The following LMTK2 variants were observed in gnomAD, a reference collection of about 807,000 sequenced individuals.
LMTK2 encodes lemur tail kinase 2.
In LMTK2, 37 loss-of-function variants were observed where a neutral mutation model predicts 127.5. The ratio of observed to expected loss-of-function variants is 0.29; its 90% CI spans 0.22 to 0.38. The LOEUF (loss-of-function observed/expected upper bound fraction) is 0.38, where lower values mean the gene tolerates loss of function less well. LMTK2 is among the 10% of genes least tolerant of loss of function. The pLI, the probability that LMTK2 is intolerant of heterozygous loss-of-function variation, is 1.00. For missense variants in LMTK2, 1,694 were observed against 1,920.3 expected (o/e 0.88, Z 2.20); for synonymous variants, 819 against 810.1 (o/e 1.01, Z -0.19).
chr7:98,202,122 T>G (rs1393566972), intron 11 of LMTK2, among the ~76,000 whole-genome samples: 2 of 152,186 alleles, frequency 1.3e-5, no homozygotes, highest in Admixed American at 1.3e-4. Flanking sequence ...CTCCAGGTTT[T>G]TTTTTTCTTG....
At chr7:98,190,630 C>T (rs1318687304) in intron 9 of LMTK2, 98 bp from the exon 10 acceptor site, 6 of 1,097,922 alleles carry the variant, frequency 5.5e-6, no homozygotes, top group Non-Finnish European at 8.3e-6. Flanking sequence ...TTTCAATACA[C>T]ACCTTGTCCT....
chr7:98,122,327 A>G (rs574120735), intron 1 of LMTK2, among the ~76,000 whole-genome samples: 3 of 152,146 alleles, frequency 2.0e-5, no homozygotes, highest in Non-Finnish European at 4.4e-5. Context: ...CAATCAGCAT[A>G]GTACCCCATA....
rs1340931810 is a variant in LMTK2, at chr7:98,207,580, G to A, written c.*2088G>A. 3 of 151,770 alleles carry A rather than the reference G, an allele frequency of 2.0e-5. No homozygotes were observed. Among genetic ancestry groups the A allele is most frequent in the Non-Finnish European group, 4.4e-5 (3 of 67,994 alleles). 9.4% of individuals were successfully genotyped at this position (151,770 alleles called of 1,614,324 possible). A position where few individuals can be genotyped will look rare whatever the true frequency, so the allele number is the denominator to read the frequency against. On this transcript the variant is annotated 3_prime_UTR_variant, in exon 14 of 14. Transcript: ENST00000297293. ...ATTGTCATGACTCTGAATTCTTGCT[G>A]TGGGGACTTCCTGAGTTTTCTCAGT... is the stretch of plus-strand genomic sequence containing the variant.
chr7:98,195,543 G>A (rs1261471684), intron 11 of LMTK2, among the ~76,000 whole-genome samples: 1 of 152,148 alleles, frequency 6.6e-6, no homozygotes, highest in Non-Finnish European at 1.5e-5. Context: ...GCATCAGCTG[G>A]ATTGTTGGGA....
chr7:98,139,203 C>T (rs1477841834), intron 2 of LMTK2, among the ~76,000 whole-genome samples: 2 of 152,124 alleles, frequency 1.3e-5, no homozygotes, highest in Admixed American at 1.3e-4. Flanking sequence ...CCTCAACCTC[C>T]CAGGCTCAAG....
chr7:98,130,666 C>T (rs1796508460), intron 1 of LMTK2, among the ~76,000 whole-genome samples: 1 of 152,122 alleles, frequency 6.6e-6, no homozygotes, highest in Admixed American at 6.5e-5. Context: ...AATTTGGACA[C>T]AGACACACGT....
intron 1 of LMTK2, among the ~76,000 whole-genome samples, chr7:98,132,126 G>A (rs1221696534): frequency 6.6e-6 from 1 of 152,208 alleles, no homozygotes; most frequent in Non-Finnish European, 1.5e-5. Flanking sequence ...GACAATGGGA[G>A]TGTCAATCAG....
intron 7 of LMTK2, among the ~76,000 whole-genome samples, chr7:98,180,594 T>C (rs1245974092): frequency 6.6e-6 from 1 of 152,230 alleles, no homozygotes; most frequent in Non-Finnish European, 1.5e-5. Context: ...TGAAATATGC[T>C]CTTTACCTCC....
chr7:98,144,856 A>G (rs764717338), intron 3 of LMTK2, among the ~76,000 whole-genome samples: 18 of 150,924 alleles, frequency 1.2e-4, no homozygotes, highest in Non-Finnish European at 2.4e-4. Flanking sequence ...ATTAAAGCGT[A>G]TGTATTCTTG....
In LMTK2 at chr7:98,171,492, C is replaced by T; in HGVS notation, c.658-49C>T. On this transcript the variant is annotated intron_variant, in intron 6 of 13. Transcript: ENST00000297293. The surrounding 1 kb of genome is among the most constrained non-coding windows in gnomAD (Gnocchi z 5.1). ...ACCGAGGCACGTATTTAAGCGCTCA[C>T]TTTATTCCTGTGGCTCGTTTGGAAA... 7.4e-6 allele frequency: 12 copies of T among 1,613,874 alleles called. No individual in the cohort carries two copies. The highest frequency in any genetic ancestry group is 1.0e-5 in the Non-Finnish European group (12 of 1,179,832).
chr7:98,190,586 A>G (rs1016974368), intron 9 of LMTK2, 142 bp from the exon 10 acceptor site: 15 of 841,914 alleles, frequency 1.8e-5, no homozygotes, highest in Non-Finnish European at 2.3e-5. Context: ...TCTTAAAACA[A>G]CAACAACAAC....
chr7:98,179,123 G>A (rs1797315276), intron 7 of LMTK2, among the ~76,000 whole-genome samples: 1 of 152,220 alleles, frequency 6.6e-6, no homozygotes, highest in African/African-American at 2.4e-5. Flanking sequence ...TTGCTTTCGA[G>A]TTTTATAATG....
chr7:98,165,709 T>C (rs1797086200), intron 6 of LMTK2, among the ~76,000 whole-genome samples: 2 of 152,240 alleles, frequency 1.3e-5, no homozygotes, highest in South Asian at 4.2e-4. Flanking sequence ...CTCTTCTTTA[T>C]GAATGTAGTT....
rs564037549 is a variant in LMTK2 at position 98,175,022 on chromosome 7, C to T, written c.791+3348C>T. ...ATCGTCAGGGCCACCCCACGTGCCA[C>T]GAGGCAGGTGCCATTATTCATCCCA... On this transcript the variant is annotated intron_variant, in intron 7 of 13. Transcript: ENST00000297293. Among the ~76,000 whole-genome samples, 4 of 152,158 alleles carry T rather than the reference C, an allele frequency of 2.6e-5. No individual in the cohort carries two copies. In the East Asian group the frequency reaches 5.8e-4, roughly 22 times the overall value.
At chr7:98,127,382 A>G (rs1423866932) in intron 1 of LMTK2, among the ~76,000 whole-genome samples, 4 of 152,192 alleles carry the variant, frequency 2.6e-5, no homozygotes, top group Non-Finnish European at 5.9e-5. Context: ...CCCATTTGGA[A>G]GGTTGCTGGC....
intron 6 of LMTK2, among the ~76,000 whole-genome samples, chr7:98,166,910 C>G (rs183407659): frequency 7.9e-5 from 12 of 152,348 alleles, no homozygotes; most frequent in African/African-American, 2.6e-4. Flanking sequence ...ATAATTTAGA[C>G]TCTCTGTTCT....
Position 98,106,995 on chromosome 7 carries a change from G to T in LMTK2, c.-183G>T. 4 of 469,740 alleles carry T rather than the reference G, an allele frequency of 8.5e-6. No homozygotes were observed. Among genetic ancestry groups the T allele is most frequent in the Non-Finnish European group, 1.1e-5 (3 of 267,266 alleles). 29.1% of individuals were successfully genotyped at this position (469,740 alleles called of 1,614,324 possible). On this transcript the variant is annotated 5_prime_UTR_variant, in exon 1 of 14. Coordinates refer to ENST00000297293, the MANE Select transcript of LMTK2 (RefSeq NM_014916.4). ...CGGGCGGGAAGGATGGTGTTTCTGCGACTGGAGCGGCAGGTGCGGACCGGG... is the reference window on the plus strand; with the variant it reads ...CGGGCGGGAAGGATGGTGTTTCTGCTACTGGAGCGGCAGGTGCGGACCGGG...
At position 98,192,556 on chromosome 7, in the gene LMTK2, G is replaced by C. The variant is rs768634549; in HGVS notation, c.2091G>C (p.Glu697Asp). 6.2e-7 allele frequency: 1 copy of C among 1,613,004 alleles called. No individual in the cohort carries two copies. Among genetic ancestry groups the C allele is most frequent in the South Asian group, 1.1e-5 (1 of 90,716 alleles). Reference sequence around the variant, plus strand: ...AGCCCCGTAAGATTTTTGACAGTGAGCCTCTCTGCCTATCAGATAATCTTA... The same window carrying C: ...AGCCCCGTAAGATTTTTGACAGTGACCCTCTCTGCCTATCAGATAATCTTA... ...KEKPRKIFDS[E>D]PLCLSDNLMH... Residue 697 changes from glutamate to aspartate, a missense_variant, in exon 11 of 14, where the codon GAG becomes GAC. Coordinates refer to ENST00000297293, the MANE Select transcript of LMTK2 (RefSeq NM_014916.4).
At chr7:98,188,559 G>C (rs1430057031) in intron 9 of LMTK2, among the ~76,000 whole-genome samples, 2 of 152,250 alleles carry the variant, frequency 1.3e-5, no homozygotes, top group South Asian at 4.1e-4. Context: ...TAGTCTCCTA[G>C]AGTGCTGGGA....
Sources: gnomAD v4.1 joint callset for allele counts (sites outside exome capture counted in the v4.1 genomes callset) on GRCh38, gnomAD v4.1.1 for gene constraint, Gnocchi (gnomAD v3.1) non-coding constraint, MANE v1.5 for transcripts, NCBI Gene and HGNC (gene_info 2026-07-23, HGNC 2026-07-21) for gene names.